VDAC1: variants seen among roughly 807,000 people sequenced by gnomAD.
The protein encoded by VDAC1 is non-selective voltage-gated ion channel VDAC1.
In VDAC1, 10 loss-of-function variants were observed where a neutral mutation model predicts 34.7. The observed-to-expected ratio is 0.29, with a 90% CI of 0.18 to 0.49. The LOEUF (loss-of-function observed/expected upper bound fraction) is 0.49, where lower values mean the gene tolerates loss of function less well. Ranked by LOEUF, VDAC1 falls within the 20% of genes least tolerant of loss-of-function variation. VDAC1 has a pLI of 0.99. For missense variants in VDAC1, 230 were observed against 347.9 expected (o/e 0.66, Z 2.69); for synonymous variants, 130 against 136.0 (o/e 0.96, Z 0.30).
the VDAC1 span, among the ~76,000 whole-genome samples, chr5:134,016,530 C>T: frequency 6.6e-6 from 1 of 152,166 alleles, no homozygotes; most frequent in African/African-American, 2.4e-5. Context: ...AGTTTTTCCT[C>T]GAGCCGAAAA....
intron 1 of VDAC1, among the ~76,000 whole-genome samples, chr5:133,998,608 C>T (rs1020292919): frequency 4.6e-5 from 7 of 152,242 alleles, no homozygotes; most frequent in Non-Finnish European, 1.0e-4. Context: ...AATCACGTTC[C>T]AAGGCTGCTG....
At chr5:134,108,515 C>G in the VDAC1 span, among the ~76,000 whole-genome samples, 1 of 152,152 alleles carries the variant, frequency 6.6e-6, no homozygotes, top group Admixed American at 6.5e-5. Flanking sequence ...CCCCTACTAC[C>G]CCTGTTGTCC....
Position 133,987,745 on chromosome 5 carries a change from A to C in VDAC1, c.323+3110T>G, listed in dbSNP as rs139583332. Among the ~76,000 whole-genome samples the C allele has an allele frequency of 4.6e-5, 7 of 152,344 alleles. No individual in the cohort carries two copies. The East Asian group carries it at 1.3e-3, about 29-fold the overall frequency. On this transcript the variant is annotated intron_variant, in intron 5 of 8. Coordinates refer to ENST00000265333, the MANE Select transcript of VDAC1 (RefSeq NM_003374.3). ...ATGATGAGAAATAGAATATCTGCAT[A>C]ATCTCAAAGTGTCTACCCACAAGAT...
At chr5:134,015,836 G>A in the VDAC1 span, among the ~76,000 whole-genome samples, 5 of 152,176 alleles carry the variant, frequency 3.3e-5, no homozygotes, top group Non-Finnish European at 5.9e-5. Flanking sequence ...GTAGAGACGG[G>A]GTTTCACCAT....
intron 6 of VDAC1, among the ~76,000 whole-genome samples, chr5:133,977,216 A>G (rs1278571631): frequency 1.3e-5 from 2 of 152,244 alleles, no homozygotes; most frequent in East Asian, 3.8e-4. Context: ...GCACTGACCC[A>G]GCCTCTTGGA....
the VDAC1 span, among the ~76,000 whole-genome samples, chr5:134,099,317 C>A: frequency 1.3e-5 from 2 of 152,178 alleles, no homozygotes; most frequent in African/African-American, 4.8e-5. Context: ...ATGGGACCAG[C>A]CTTTTACATT....
the VDAC1 span, among the ~76,000 whole-genome samples, chr5:134,071,519 G>C: frequency 6.6e-6 from 1 of 152,158 alleles, no homozygotes; most frequent in Non-Finnish European, 1.5e-5. This position sits in a 1 kb window ranked among gnomAD's most constrained non-coding sequence, Gnocchi z 4.1. Flanking sequence ...CTCAGCCTCC[G>C]GCACTTTTGG....
At chr5:133,999,234 G>A (rs143004925) in intron 1 of VDAC1, among the ~76,000 whole-genome samples, 2 of 152,340 alleles carry the variant, frequency 1.3e-5, no homozygotes, top group African/African-American at 4.8e-5. Context: ...AACAACTACT[G>A]CAATGGTTGA....
chr5:134,003,010 G>A (rs2127032110), intron 1 of VDAC1, among the ~76,000 whole-genome samples: 1 of 151,398 alleles, frequency 6.6e-6, no homozygotes, highest in Non-Finnish European at 1.5e-5. Flanking sequence ...GTCTGGGCCT[G>A]CAGCCCTTCA....
the VDAC1 span, among the ~76,000 whole-genome samples, chr5:134,022,606 C>T: frequency 1.2e-4 from 18 of 152,246 alleles, no homozygotes; most frequent in African/African-American, 4.3e-4. Flanking sequence ...AAATTCCATC[C>T]CCTAACACAT....
the VDAC1 span, among the ~76,000 whole-genome samples, chr5:134,105,401 G>C: frequency 6.6e-6 from 1 of 152,218 alleles, no homozygotes; most frequent in African/African-American, 2.4e-5. Context: ...TGACCTGGGC[G>C]AGTCACTTCC....
chr5:134,015,555 T>C, the VDAC1 span, among the ~76,000 whole-genome samples: 1 of 152,044 alleles, frequency 6.6e-6, no homozygotes, highest in East Asian at 1.9e-4. Context: ...CTAAGGCAAA[T>C]GGCAAGGTTG....
At chr5:134,021,186 C>CT in the VDAC1 span, among the ~76,000 whole-genome samples, 23,148 of 146,464 alleles carry the variant, frequency 0.16, 1,925 homozygotes, top group East Asian at 0.32. Flanking sequence ...GAGACCTTGT[C>CT]TTTTTTTTTT....
At chr5:134,040,217 G>A in the VDAC1 span, among the ~76,000 whole-genome samples, 1 of 152,220 alleles carries the variant, frequency 6.6e-6, no homozygotes, top group East Asian at 1.9e-4. Flanking sequence ...GATCACTTGA[G>A]GTCGAGAGCT....
Position 133,972,559 on chromosome 5 carries a change from C to A in VDAC1, c.*212G>T. 2.2e-6 allele frequency: 1 copy of A among 462,118 alleles called. No homozygotes were observed. The highest frequency in any genetic ancestry group is 5.4e-5 in the South Asian group (1 of 18,472). 28.6% of individuals were successfully genotyped at this position (462,118 alleles called of 1,614,324 possible). A position where few individuals can be genotyped will look rare whatever the true frequency, so the allele number is the denominator to read the frequency against. On this transcript the variant is annotated 3_prime_UTR_variant, in exon 9 of 9. Coordinates refer to ENST00000265333, the MANE Select transcript of VDAC1 (RefSeq NM_003374.3). ...CTCAAAGGGGCCACCAAGTTCTCCCCGAGTCTACCACTGAAAGGACCTTTT... is the reference window on the plus strand; with the variant it reads ...CTCAAAGGGGCCACCAAGTTCTCCCAGAGTCTACCACTGAAAGGACCTTTT...
chr5:133,973,910 C>T, intron 7 of VDAC1, 62 bp from the exon 8 acceptor site: 3 of 1,521,462 alleles, frequency 2.0e-6, no homozygotes, highest in Non-Finnish European at 1.8e-6. Flanking sequence ...CTTCCATCTC[C>T]AAAATTAGAG....
chr5:133,997,301 G>A (rs1753351873), intron 1 of VDAC1, among the ~76,000 whole-genome samples: 1 of 152,140 alleles, frequency 6.6e-6, no homozygotes, highest in Non-Finnish European at 1.5e-5. Context: ...CACTGCAGCA[G>A]TATTTGTAAC....
At chr5:133,980,498 T>C (rs187250017) in intron 6 of VDAC1, among the ~76,000 whole-genome samples, 3 of 152,168 alleles carry the variant, frequency 2.0e-5, no homozygotes, top group East Asian at 3.9e-4. Flanking sequence ...TGTGGCAATA[T>C]ATACTGTTCA....
chr5:133,991,480 G>A (rs565195882), intron 3 of VDAC1, among the ~76,000 whole-genome samples: 71 of 152,286 alleles, frequency 4.7e-4, no homozygotes, highest in African/African-American at 1.5e-3. Context: ...CTGACACAGC[G>A]GTAATTCAAA....
Sources: allele counts gnomAD v4.1 joint callset (sites outside exome capture counted in the v4.1 genomes callset), GRCh38; gene constraint gnomAD v4.1.1; non-coding constraint Gnocchi (gnomAD v3.1); transcripts MANE v1.5; gene names NCBI Gene and HGNC (gene_info 2026-07-23, HGNC 2026-07-21).